The following PTPN11 variants were observed in gnomAD, a reference collection of about 807,000 sequenced individuals.
PTPN11 encodes the protein tyrosine-protein phosphatase non-receptor type 11.
PTPN11 carries 6 observed loss-of-function variants against 78.8 expected under a neutral mutation model. The observed-to-expected ratio is 0.08, with a 90% CI of 0.04 to 0.15. PTPN11 has a LOEUF of 0.15. Among genes scored for constraint, PTPN11 ranks in the 10% least tolerant of loss-of-function variants. The pLI, the probability that PTPN11 is intolerant of heterozygous loss-of-function variation, is 1.00. For synonymous variants in PTPN11, 221 were observed against 263.5 expected, an observed-to-expected ratio of 0.84 and a Z score of 1.56; for missense variants, 386 against 744.8, an observed-to-expected ratio of 0.52 and a Z score of 5.61.
intron 6 of PTPN11, 107 bp downstream of exon 6, chr12:112,456,170 G>T: frequency 1.3e-6 from 1 of 775,296 alleles, no homozygotes; most frequent in Non-Finnish European, 2.3e-6. Context: ...TGAAACTGAC[G>T]TCCTTTTTTA....
intron 1 of PTPN11, among the ~76,000 whole-genome samples, chr12:112,420,918 C>A (rs1347767656): frequency 6.6e-6 from 1 of 152,086 alleles, no homozygotes; most frequent in Non-Finnish European, 1.5e-5. Flanking sequence ...AGTCATTGAG[C>A]CTTTTGTTCC....
intron 1 of PTPN11, among the ~76,000 whole-genome samples, chr12:112,439,023 C>T (rs1428415639): frequency 1.3e-5 from 2 of 152,206 alleles, no homozygotes; most frequent in African/African-American, 4.8e-5. Context: ...AGTCCAGGCA[C>T]TCTTCTAGAT....
At chr12:112,477,576 G>T in intron 7 of PTPN11, 75 bp from the exon 8 acceptor site, 1 of 1,178,924 alleles carries the variant, frequency 8.5e-7, no homozygotes. Flanking sequence ...GACTAGGCTG[G>T]GGAGTAACTG....
At position 112,454,694 on chromosome 12, in the gene PTPN11, A is replaced by ATC. The variant is rs1405194798; in HGVS notation, c.642+14_642+15insTC. The stretch of plus-strand genomic sequence containing the variant: ...CAACTCAAGCAGGTGAGCAGATTGG[A>ATC]AAGCTCAAGCTTTCTCCTTAAAAAC... On this transcript the variant is annotated intron_variant, in intron 5 of 15. Coordinates refer to ENST00000351677, the MANE Select transcript of PTPN11 (RefSeq NM_002834.5). The ATC allele has an allele frequency of 6.3e-7, 1 of 1,578,484 alleles. No individual in the cohort carries two copies. The highest frequency in any genetic ancestry group is 8.7e-7 in the Non-Finnish European group (1 of 1,147,618).
rs762516252 is a variant in PTPN11, at chr12:112,477,946, T to C, written c.1023T>C (p.Phe341=). Residue 341 remains phenylalanine, a synonymous_variant, in exon 9 of 16, where the codon TTT becomes TTC. Transcript: ENST00000351677. ...QGCLQNTVND[F]WRMVFQENSR... ...GCCTGCAAAACACGGTGAATGACTT[T>C]TGGCGGATGGTGTTCCAAGAAAACT... 13 of 1,614,076 alleles carry C rather than the reference T, an allele frequency of 8.1e-6. No homozygotes were observed. Among genetic ancestry groups the C allele is most frequent in the Non-Finnish European group, 1.0e-5 (12 of 1,180,048 alleles).
chr12:112,487,250 T>G (rs2038692374), intron 11 of PTPN11, among the ~76,000 whole-genome samples: 1 of 151,922 alleles, frequency 6.6e-6, no homozygotes, highest in African/African-American at 2.4e-5. Flanking sequence ...TTCTCCTGCC[T>G]CAGCCTCCCA....
intron 7 of PTPN11, among the ~76,000 whole-genome samples, chr12:112,477,103 G>A (rs115818482): frequency 6.6e-6 from 1 of 151,732 alleles, no homozygotes. Context: ...TGCAATGTCC[G>A]CCTCTCGGGT....
At chr12:112,476,376 A>G (rs563698001) in intron 7 of PTPN11, among the ~76,000 whole-genome samples, 4 of 152,208 alleles carry the variant, frequency 2.6e-5, no homozygotes, top group Non-Finnish European at 5.9e-5. Context: ...TTGTTTAGGT[A>G]GAGCACTCAG....
At chr12:112,432,676 A>G (rs2037730783) in intron 1 of PTPN11, among the ~76,000 whole-genome samples, 1 of 151,578 alleles carries the variant, frequency 6.6e-6, no homozygotes, top group Non-Finnish European at 1.5e-5. Flanking sequence ...CTCAAAAAAA[A>G]AAAAAAAAAA....
intron 6 of PTPN11, among the ~76,000 whole-genome samples, chr12:112,462,658 C>T (rs1174493719): frequency 1.3e-5 from 2 of 152,144 alleles, no homozygotes; most frequent in East Asian, 3.8e-4. Context: ...CCATATCCCA[C>T]TTTTTCTTAA....
intron 14 of PTPN11, 37 bp downstream of exon 14, chr12:112,502,293 A>T: frequency 6.5e-7 from 1 of 1,546,434 alleles, no homozygotes; most frequent in South Asian, 1.1e-5. Context: ...TTACCTGGTC[A>T]TGGTGGTTTA....
chr12:112,478,519 G>GT (rs907577455), intron 9 of PTPN11, among the ~76,000 whole-genome samples: 1 of 151,998 alleles, frequency 6.6e-6, no homozygotes, highest in African/African-American at 2.4e-5. Flanking sequence ...ATTTTATTCA[G>GT]TTTTTTCTCC....
chr12:112,443,508 G>A (rs2037942550), intron 1 of PTPN11, among the ~76,000 whole-genome samples: 2 of 151,286 alleles, frequency 1.3e-5, no homozygotes, highest in South Asian at 4.2e-4. Context: ...GCAGGCCTGC[G>A]CCACCTTGCC....
At chr12:112,465,884 G>A (rs574671199) in intron 6 of PTPN11, among the ~76,000 whole-genome samples, 1 of 152,334 alleles carries the variant, frequency 6.6e-6, no homozygotes, top group African/African-American at 2.4e-5. Flanking sequence ...AGTTTTCAGT[G>A]ATGAGGGTTG....
intron 1 of PTPN11, among the ~76,000 whole-genome samples, chr12:112,424,845 A>G (rs2037580871): frequency 6.6e-6 from 1 of 151,160 alleles, no homozygotes; most frequent in African/African-American, 2.4e-5. Flanking sequence ...GACTGCAGGC[A>G]CACGCCACCA....
intron 1 of PTPN11, among the ~76,000 whole-genome samples, chr12:112,423,348 C>G (rs528081030): frequency 6.6e-6 from 1 of 151,832 alleles, no homozygotes; most frequent in Non-Finnish European, 1.5e-5. Context: ...TGCAGTGATA[C>G]AATATTGGCT....
intron 6 of PTPN11, 122 bp from the exon 7 acceptor site, chr12:112,472,822 A>T: frequency 1.2e-6 from 1 of 851,482 alleles, no homozygotes; most frequent in South Asian, 1.4e-5. Context: ...TCTTGTAGCT[A>T]TCGCACACAA....
intron 1 of PTPN11, 105 bp downstream of exon 1, chr12:112,419,230 C>T (rs2037477706): frequency 2.4e-6 from 3 of 1,237,658 alleles, no homozygotes; most frequent in Non-Finnish European, 3.1e-6. Context: ...GGGCTCCCGC[C>T]CCGGGTCGGG....
In PTPN11 at chr12:112,438,792, T is replaced by C. The variant is rs113018249; in HGVS notation, c.15-7484T>C. 2.7e-3 allele frequency among the ~76,000 whole-genome samples: 408 copies of C among 152,262 alleles called. 6 individuals are homozygous for C. Among genetic ancestry groups the C allele is most frequent in the African/African-American group, 9.6e-3 (398 of 41,544 alleles). On this transcript the variant is annotated intron_variant, in intron 1 of 15. Coordinates refer to ENST00000351677, the MANE Select transcript of PTPN11 (RefSeq NM_002834.5). ...GCCACTGTGCCTGGTCCCTGGCTAA[T>C]TTTTAATTTTTTTGTAGAGATGGGA...
Sources: gnomAD v4.1 joint callset for allele counts (sites outside exome capture counted in the v4.1 genomes callset) on GRCh38, gnomAD v4.1.1 for gene constraint, MANE v1.5 for transcripts, NCBI Gene and HGNC (gene_info 2026-07-23, HGNC 2026-07-21) for gene names.